AHCY: variants seen among roughly 807,000 people sequenced by gnomAD.
AHCY encodes the protein S-adenosyl-L-homocysteine hydrolase.
In AHCY, 24 loss-of-function variants were observed where a neutral mutation model predicts 45.4. The ratio of observed to expected loss-of-function variants is 0.53; its 90% CI spans 0.38 to 0.74. AHCY has a LOEUF of 0.74. Ranked by LOEUF, AHCY falls within the 30% of genes least tolerant of loss-of-function variation. The pLI is 0.00. For missense variants in AHCY, 449 were observed against 594.1 expected (o/e 0.76, Z 2.54); for synonymous variants, 245 against 235.1 (o/e 1.04, Z -0.39).
In AHCY at chr20:34,292,339, C is replaced by T; in HGVS notation, c.445+19G>A. 2 of 1,611,336 alleles carry T rather than the reference C, an allele frequency of 1.2e-6. No individual in the cohort carries two copies. Among genetic ancestry groups the T allele is most frequent in the Non-Finnish European group, 8.5e-7 (1 of 1,179,370 alleles). On this transcript the variant is annotated intron_variant, in intron 4 of 9. Coordinates refer to ENST00000217426, the MANE Select transcript of AHCY (RefSeq NM_000687.4). ...ACCCAGGCCACCAGCACCCAGCCCA[C>T]CTGCCCCGCCCTGCTCACCTGGCAG...
At chr20:34,266,106 C>G in the AHCY span, among the ~76,000 whole-genome samples, 1 of 152,060 alleles carries the variant, frequency 6.6e-6, no homozygotes, top group Admixed American at 6.6e-5. Flanking sequence ...ATAATCCCAG[C>G]ACTTTGGGAG....
rs761552560 is a variant in AHCY at position 34,281,028 on chromosome 20, T to C, written c.*6A>G. On this transcript the variant is annotated 3_prime_UTR_variant, in exon 10 of 10. Coordinates refer to ENST00000217426, the MANE Select transcript of AHCY (RefSeq NM_000687.4). ...GCAGCTGGAGGGTGAAACGCAGACC[T>C]GGCTCTCAGTAGCGGTAGTGATCCG... is the stretch of plus-strand genomic sequence containing the variant. The C allele has an allele frequency of 6.2e-7, 1 of 1,614,088 alleles. No individual in the cohort carries two copies. The highest frequency in any genetic ancestry group is 1.1e-5 in the South Asian group (1 of 91,072).
At chr20:34,261,838 C>T in the AHCY span, among the ~76,000 whole-genome samples, 1 of 151,750 alleles carries the variant, frequency 6.6e-6, no homozygotes, top group Non-Finnish European at 1.5e-5. Context: ...ATCGGCCAGG[C>T]GCGGTGGCTC....
the AHCY span, among the ~76,000 whole-genome samples, chr20:34,251,837 T>C: frequency 6.6e-6 from 1 of 152,246 alleles, no homozygotes; most frequent in African/African-American, 2.4e-5. Flanking sequence ...AGAGAGATGA[T>C]GGCTGTCTAT....
chr20:34,292,234 C>T, intron 4 of AHCY, 124 bp downstream of exon 4: 5 of 1,312,622 alleles, frequency 3.8e-6, no homozygotes, highest in Non-Finnish European at 5.3e-6. Context: ...GCCTGCCATC[C>T]TCCCATCTTC....
chr20:34,309,382 A>C (rs1238825098), intron 1 of AHCY, among the ~76,000 whole-genome samples: 1 of 152,212 alleles, frequency 6.6e-6, no homozygotes, highest in Non-Finnish European at 1.5e-5. Flanking sequence ...TTAATAATGA[A>C]AATGAGCCAG....
At chr20:34,256,615 T>A in the AHCY span, among the ~76,000 whole-genome samples, 4 of 152,140 alleles carry the variant, frequency 2.6e-5, no homozygotes, top group Non-Finnish European at 5.9e-5. Context: ...TTTTTCTAGC[T>A]CAGATTTTCC....
chr20:34,264,128 T>C, the AHCY span, among the ~76,000 whole-genome samples: 2 of 152,200 alleles, frequency 1.3e-5, no homozygotes, highest in Admixed American at 6.5e-5. Context: ...TATCATACAA[T>C]ATACATAAAT....
the AHCY span, chr20:34,268,887 ACCT>A: frequency 7.0e-7 from 1 of 1,423,952 alleles, no homozygotes; most frequent in Non-Finnish European, 9.6e-7. Flanking sequence ...CAGCGGGGAA[ACCT>A]CTGGTCCGGG....
At chr20:34,247,415 C>T in the AHCY span, among the ~76,000 whole-genome samples, 2 of 151,634 alleles carry the variant, frequency 1.3e-5, no homozygotes, top group Non-Finnish European at 2.9e-5. Flanking sequence ...ATTCTCCTGC[C>T]TCAGCCTCCC....
Position 34,290,398 on chromosome 20 carries a change from A to G in AHCY, c.906T>C (p.Phe302=). The change falls in exon 8 of 10, where the codon TTT becomes TTC. Residue 302 remains phenylalanine, a synonymous_variant. Transcript: ENST00000217426. The surrounding 1 kb of genome is among the most constrained non-coding windows in gnomAD (Gnocchi z 4.5). The part of the protein sequence containing the change: ...DDAIVCNIGH[F]DVEIDVKWLN... ...GCCACTTGACATCGATCTCCACGTCAAAGTGTCCAATGTTACACACAATGG... is the reference window on the plus strand; with the variant it reads ...GCCACTTGACATCGATCTCCACGTCGAAGTGTCCAATGTTACACACAATGG... 6.2e-7 allele frequency: 1 copy of G among 1,614,230 alleles called. No homozygotes were observed. Among genetic ancestry groups the G allele is most frequent in the East Asian group, 2.2e-5 (1 of 44,876 alleles).
chr20:34,302,878 C>G (rs546056845), intron 1 of AHCY: 2 of 985,458 alleles, frequency 2.0e-6, no homozygotes. Flanking sequence ...TGGACAGGGT[C>G]CGGTCCAGGC....
the AHCY span, among the ~76,000 whole-genome samples, chr20:34,267,653 T>C: frequency 6.6e-6 from 1 of 151,944 alleles, no homozygotes; most frequent in East Asian, 1.9e-4. Flanking sequence ...TGCCTCAGCC[T>C]CCCGGGAGTA....
At chr20:34,265,687 C>T in the AHCY span, among the ~76,000 whole-genome samples, 1 of 152,142 alleles carries the variant, frequency 6.6e-6, no homozygotes, top group African/African-American at 2.4e-5. Context: ...CAGTGGCTCA[C>T]ACCTGTAATC....
Position 34,290,486 on chromosome 20 carries a change from G to C in AHCY, c.855-37C>G. 1 of 1,613,746 alleles carries C rather than the reference G, an allele frequency of 6.2e-7. No individual in the cohort carries two copies. The highest frequency in any genetic ancestry group is 8.5e-7 in the Non-Finnish European group (1 of 1,179,650). ...CCCAAGACCGTGGGAGATTGTCAGG[G>C]ACAGAAAGCTGTCCCAACTCTGCCC... On this transcript the variant is annotated intron_variant, in intron 7 of 9. Transcript: ENST00000217426. This position sits in a 1 kb window ranked among gnomAD's most constrained non-coding sequence, Gnocchi z 4.5.
At chr20:34,233,309 G>A in the AHCY span, among the ~76,000 whole-genome samples, 2 of 151,776 alleles carry the variant, frequency 1.3e-5, no homozygotes, top group Non-Finnish European at 2.9e-5. Context: ...CACCATGCCC[G>A]GCTAATTTTT....
At chr20:34,295,840 CA>C (rs2122786936) in intron 1 of AHCY, among the ~76,000 whole-genome samples, 1 of 152,256 alleles carries the variant, frequency 6.6e-6, no homozygotes, top group Non-Finnish European at 1.5e-5. Flanking sequence ...AAAATTACAA[CA>C]TAAAGAAGCG....
At chr20:34,311,036 G>T (rs899904063) in intron 1 of AHCY, among the ~76,000 whole-genome samples, 3 of 151,854 alleles carry the variant, frequency 2.0e-5, no homozygotes, top group African/African-American at 7.3e-5. Context: ...TGAGGCAGGA[G>T]AATCGCTTGA....
Position 34,294,221 on chromosome 20 carries a change from C to T in AHCY, c.220-65G>A, listed in dbSNP as rs745801001. On this transcript the variant is annotated intron_variant, in intron 2 of 9. Coordinates refer to ENST00000217426, the MANE Select transcript of AHCY (RefSeq NM_000687.4). Reference sequence around the variant, plus strand: ...GCTCAAAAGCACCAGGGACGCTGGGCGAGGAAAAGGGAGAGCTTCGGGTAG... The same window carrying T: ...GCTCAAAAGCACCAGGGACGCTGGGTGAGGAAAAGGGAGAGCTTCGGGTAG... 6.4e-5 allele frequency: 95 copies of T among 1,475,870 alleles called. No homozygotes were observed. The East Asian group carries it at 1.7e-3, about 26-fold the overall frequency. 91.4% of individuals were successfully genotyped at this position (1,475,870 alleles called of 1,614,324 possible).
Sources: allele counts gnomAD v4.1 joint callset (sites outside exome capture counted in the v4.1 genomes callset), GRCh38; gene constraint gnomAD v4.1.1; non-coding constraint Gnocchi (gnomAD v3.1); transcripts MANE v1.5; gene names NCBI Gene and HGNC (gene_info 2026-07-23, HGNC 2026-07-21).